RGPD1: variants seen among roughly 807,000 people sequenced by gnomAD.
RGPD1 encodes RANBP2-like and GRIP domain-containing protein 1.
Under a neutral mutation model 40.6 loss-of-function variants are expected in RGPD1, and 7 were observed. That is an observed-to-expected ratio of 0.17 (90% CI 0.10 to 0.32). The LOEUF (loss-of-function observed/expected upper bound fraction) is 0.32. Ranked by LOEUF, RGPD1 falls within the 10% of genes least tolerant of loss-of-function variation. The pLI is 1.00. For synonymous variants in RGPD1, 24 were observed against 167.0 expected (o/e 0.14, Z 6.60); for missense variants, 50 against 472.5 (o/e 0.11, Z 8.29).
intron 1 of RGPD1, among the ~76,000 whole-genome samples, chr2:86,947,498 CT>C (rs1427273162): frequency 2.2e-5 from 2 of 92,462 alleles, no homozygotes; most frequent in Non-Finnish European, 4.5e-5. Flanking sequence ...TGTTAGGAGT[CT>C]GATGAGAGTC....
At chr2:86,941,879 T>A (rs1365000147), upstream of RGPD1, among the ~76,000 whole-genome samples, 3 of 151,392 alleles carry the variant, frequency 2.0e-5, no homozygotes, top group Non-Finnish European at 4.4e-5. Flanking sequence ...CCCGGGTAAT[T>A]TTTTGTATTT....
upstream of RGPD1, among the ~76,000 whole-genome samples, chr2:86,938,530 C>T (rs1679490753): frequency 1.4e-5 from 2 of 147,772 alleles, no homozygotes; most frequent in African/African-American, 2.5e-5. Flanking sequence ...TAGGCATGGG[C>T]AACGCCTAGA....
chr2:86,914,962 A>G (rs1677722231), intron 1 of RGPD1, among the ~76,000 whole-genome samples: 1 of 140,360 alleles, frequency 7.1e-6, no homozygotes, highest in African/African-American at 2.7e-5. Flanking sequence ...GGCCTGGCCT[A>G]AGGTACTTCT....
In RGPD1 at chr2:86,928,307, G is replaced by T. The variant is rs564828973; in HGVS notation, c.72+14386G>T. Among the ~76,000 whole-genome samples the T allele has an allele frequency of 4.6e-5, 7 of 152,282 alleles. No individual in the cohort carries two copies. The South Asian group carries it at 1.5e-3, about 32-fold the overall frequency. On this transcript the variant is annotated intron_variant, in intron 1 of 22. Transcript: ENST00000398193. Reference sequence around the variant, plus strand: ...CCTGGACCAGGAATGAGCCTGGTATGATTGAGGAAAACACAAGGGATGTGG... The same window carrying T: ...CCTGGACCAGGAATGAGCCTGGTATTATTGAGGAAAACACAAGGGATGTGG...
chr2:86,944,787 A>AG lies in RGPD1; in HGVS notation c.72+2480dup, dbSNP rs547311705. Among the ~76,000 whole-genome samples the AG allele has an allele frequency of 5.6e-3, 850 of 152,196 alleles. 6 individuals carry two copies. The highest frequency in any genetic ancestry group is 0.019 in the African/African-American group (790 of 41,528). ...CTGTGGCAGGATCGTGGCTCACTGC[A>AG]GCGTTGACGTCCTGGGCTCAATCCA... On this transcript the variant is annotated intron_variant, in intron 1 of 22. Transcript: ENST00000641458.
Position 86,914,886 on chromosome 2 carries a change from CCTCGACCTGGCCGGGCGGCGGCGGA to C in RGPD1, c.72+966_72+990del, listed in dbSNP as rs1240304511. Among the ~76,000 whole-genome samples, 3 of 22,400 alleles carry C rather than the reference CCTCGACCTGGCCGGGCGGCGGCGGA, an allele frequency of 1.3e-4. 1 individual carries two copies. Among genetic ancestry groups the C allele is most frequent in the Admixed American group, 7.8e-4 (2 of 2,560 alleles). The allele number at this position is 22,400 out of a possible 152,430, so 14.7% of individuals were successfully genotyped here. ...GCGGCGGCGGCGGCGGCGGCGGCGG[CCTCGACCTGGCCGGGCGGCGGCGGA>C]GGCGGCGGCCTCGACCTGGCCGGGC... On this transcript the variant is annotated intron_variant, in intron 1 of 22. Coordinates refer to the RGPD1 transcript ENST00000398193.
At chr2:86,998,533 A>C (rs1681875583) in intron 22 of RGPD1, among the ~76,000 whole-genome samples, 1 of 113,762 alleles carries the variant, frequency 8.8e-6, no homozygotes, top group South Asian at 3.1e-4. Flanking sequence ...AAAAAAAAAA[A>C]AAAAAAAAAA....
chr2:86,941,584 A>C (rs1033065828), upstream of RGPD1, among the ~76,000 whole-genome samples: 1 of 151,440 alleles, frequency 6.6e-6, no homozygotes, highest in South Asian at 2.1e-4. Flanking sequence ...CTTGAATAAC[A>C]TGGGTTTGAA....
chr2:86,930,731 G>A, intron 1 of RGPD1: 6 of 1,511,488 alleles, frequency 4.0e-6, no homozygotes, highest in South Asian at 2.4e-5. Flanking sequence ...CCTCGCTGCC[G>A]TTCCCGCTGC....
chr2:86,931,708 TAATC>T (rs1010934715), intron 1 of RGPD1, among the ~76,000 whole-genome samples: 5 of 151,578 alleles, frequency 3.3e-5, no homozygotes, highest in Admixed American at 1.3e-4. Context: ...AATAAATAAA[TAATC>T]AAGTTCCAAG....
rs190805309 is a variant in RGPD1 at position 86,914,996 on chromosome 2, A to G, written c.72+1075A>G. ...CTGTTGGGGAATATTGTGCAGTATA[A>G]TAATATATGGACATGCCTGCTGGGC... On this transcript the variant is annotated intron_variant, in intron 1 of 22. Transcript: ENST00000398193. Among the ~76,000 whole-genome samples, 90 of 147,508 alleles carry G rather than the reference A, an allele frequency of 6.1e-4. 2 individuals carry two copies. The highest frequency in any genetic ancestry group is 2.0e-3 in the African/African-American group (80 of 39,276).
chr2:86,960,956 C>G lies in RGPD1; in HGVS notation c.780-2073C>G, dbSNP rs1323385026. 4.0e-4 allele frequency among the ~76,000 whole-genome samples: 7 copies of G among 17,558 alleles called. No homozygotes were observed. In the African/African-American group the frequency reaches 4.4e-3, roughly 11 times the overall value. The allele number at this position is 17,558 out of a possible 152,430, so 11.5% of individuals were successfully genotyped here. On this transcript the variant is annotated intron_variant, in intron 6 of 22. Coordinates refer to ENST00000641458, the MANE Select transcript of RGPD1 (RefSeq NM_001382344.1). ...CCAAAGTACTGGAAGGTCTCAATCT[C>G]TTGACGTCGTGATCCGCCTGCCTTG...
At chr2:86,918,530 G>A (rs1239778672) in intron 1 of RGPD1, among the ~76,000 whole-genome samples, 1 of 133,282 alleles carries the variant, frequency 7.5e-6, no homozygotes, top group Non-Finnish European at 1.5e-5. Context: ...CGCAATCTCA[G>A]CTCACTACAG....
At chr2:86,955,747 C>T (rs1680682907) in intron 4 of RGPD1, among the ~76,000 whole-genome samples, 1 of 101,234 alleles carries the variant, frequency 9.9e-6, no homozygotes, top group African/African-American at 4.1e-5. Context: ...ATAAGTTTTT[C>T]TCCCCAGTAA....
At chr2:86,944,425 G>A (rs1428681018) in intron 1 of RGPD1, among the ~76,000 whole-genome samples, 17 of 149,872 alleles carry the variant, frequency 1.1e-4, no homozygotes, top group African/African-American at 4.2e-4. Flanking sequence ...TTTTTTTTTA[G>A]GTGGGGTCTC....
intron 1 of RGPD1, among the ~76,000 whole-genome samples, chr2:86,927,023 T>C (rs1231764559): frequency 3.9e-5 from 6 of 152,248 alleles, no homozygotes; most frequent in East Asian, 3.8e-4. Flanking sequence ...CTTGGGTTAA[T>C]GCTCTTCCCA....
chr2:87,009,164 G>C (rs1310558551), intron 22 of RGPD1, among the ~76,000 whole-genome samples: 3 of 44,758 alleles, frequency 6.7e-5, no homozygotes, highest in Non-Finnish European at 1.2e-4. Context: ...AATTAGCGGG[G>C]CGTGGTGGCA....
intron 1 of RGPD1, among the ~76,000 whole-genome samples, chr2:86,915,109 A>G (rs1158875058): frequency 1.2e-4 from 18 of 149,940 alleles, no homozygotes; most frequent in African/African-American, 3.9e-4. Flanking sequence ...CAGCCTGGCC[A>G]ACGTGGTGAA....
upstream of RGPD1, among the ~76,000 whole-genome samples, chr2:86,940,968 C>T (rs1679696423): frequency 6.6e-6 from 1 of 151,976 alleles, no homozygotes; most frequent in South Asian, 2.1e-4. Flanking sequence ...TTATTCACAT[C>T]CAATATGGTT....
Sources: allele counts gnomAD v4.1 joint callset (sites outside exome capture counted in the v4.1 genomes callset), GRCh38; gene constraint gnomAD v4.1.1; transcripts MANE v1.5; gene names NCBI Gene and HGNC (gene_info 2026-07-23, HGNC 2026-07-21).